Variants in PCCB observed in about 807,000 individuals in gnomAD.
PCCB encodes propionyl-CoA carboxylase beta chain, mitochondrial.
In PCCB, 43 loss-of-function variants were observed where a neutral mutation model predicts 60.7. The ratio of observed to expected loss-of-function variants is 0.71; its 90% CI spans 0.55 to 0.91. The LOEUF (loss-of-function observed/expected upper bound fraction) is 0.91. PCCB is among the 40% of genes least tolerant of loss of function. PCCB has a pLI of 0.00. For synonymous variants in PCCB, 276 were observed against 255.9 expected, an observed-to-expected ratio of 1.08 and a Z score of -0.75; for missense variants, 766 against 702.8, an observed-to-expected ratio of 1.09 and a Z score of -1.02.
chr3:136,292,393 T>A (rs1178077240), intron 6 of PCCB, among the ~76,000 whole-genome samples: 1 of 152,214 alleles, frequency 6.6e-6, no homozygotes, highest in East Asian at 1.9e-4. Context: ...TATGATAGAC[T>A]AAGGACTAAT....
rs1212475120 is a variant in PCCB, at chr3:136,283,870, A to C, written c.577A>C (p.Ile193Leu). The C allele has an allele frequency of 2.5e-6, 4 of 1,613,694 alleles. No homozygotes were observed. The highest frequency in any genetic ancestry group is 1.7e-4 in the Middle Eastern group (1 of 6,040). ...TACGGCATCCGGAGTCATCCCTCAGATTTCTCTGATCATGGGCCCATGTGC... is the reference window on the plus strand; with the variant it reads ...TACGGCATCCGGAGTCATCCCTCAGCTTTCTCTGATCATGGGCCCATGTGC... ...NVTASGVIPQ[I>L]SLIMGPCAGG... The change falls in exon 6 of 15, where the codon ATT becomes CTT. Residue 193 changes from isoleucine to leucine, a missense_variant. By Grantham distance (5) the Ile-to-Leu change is conservative (BLOSUM62 2). Coordinates refer to ENST00000251654, the MANE Select transcript of PCCB (RefSeq NM_000532.5).
At chr3:136,314,964 G>A (rs1458527506) in intron 9 of PCCB, among the ~76,000 whole-genome samples, 2 of 152,136 alleles carry the variant, frequency 1.3e-5, no homozygotes, top group African/African-American at 4.8e-5. Flanking sequence ...CTCCTTCTGT[G>A]GTACTCCTGT....
intron 10 of PCCB, among the ~76,000 whole-genome samples, chr3:136,319,976 G>T (rs954577956): frequency 2.6e-5 from 4 of 152,206 alleles, no homozygotes. Context: ...TCATTGAACA[G>T]GTGTGGCGTG....
Position 136,308,234 on chromosome 3 carries a change from C to CTTTTTTT in PCCB, c.966+7134_966+7140dup, listed in dbSNP as rs71157373. Among the ~76,000 whole-genome samples, 29 of 130,346 alleles carry CTTTTTTT rather than the reference C, an allele frequency of 2.2e-4. 2 individuals are homozygous for CTTTTTTT. Among genetic ancestry groups the CTTTTTTT allele is most frequent in the African/African-American group, 8.1e-4 (28 of 34,594 alleles). 85.5% of individuals were successfully genotyped at this position (130,346 alleles called of 152,430 possible). A position where few individuals can be genotyped will look rare whatever the true frequency, so the allele number is the denominator to read the frequency against. On this transcript the variant is annotated intron_variant, in intron 9 of 14. Transcript: ENST00000251654. ...AGGTATTAACCATAATAAGGAAGGA[C>CTTTTTTT]TTTTTTTTTTTTTTTTTGATATGGA...
chr3:136,328,888 G>A, intron 14 of PCCB, 31 bp downstream of exon 14: 1 of 1,513,872 alleles, frequency 6.6e-7, no homozygotes, highest in Non-Finnish European at 9.2e-7. Context: ...GGGCAGCTTT[G>A]TTTGTTTGGT....
intron 8 of PCCB, among the ~76,000 whole-genome samples, chr3:136,300,485 A>G (rs1401418112): frequency 2.0e-5 from 3 of 152,220 alleles, no homozygotes; most frequent in African/African-American, 7.2e-5. Context: ...TGCAGGAGGA[A>G]GGAGAGAGTC....
chr3:136,253,894 C>T (rs1269371195), intron 1 of PCCB, among the ~76,000 whole-genome samples: 1 of 151,878 alleles, frequency 6.6e-6, no homozygotes, highest in East Asian at 1.9e-4. Context: ...GCAGTCCTCC[C>T]ACCTTGGCCT....
intron 5 of PCCB, among the ~76,000 whole-genome samples, chr3:136,269,520 C>G (rs1201116828): frequency 2.6e-5 from 4 of 152,012 alleles, no homozygotes; most frequent in Admixed American, 2.6e-4. Context: ...AATCTGGATG[C>G]CTTTTATTTC....
At chr3:136,291,991 GC>G (rs763568558) in intron 6 of PCCB, among the ~76,000 whole-genome samples, 25 of 152,150 alleles carry the variant, frequency 1.6e-4, no homozygotes, top group Non-Finnish European at 3.1e-4. Flanking sequence ...TCCTACATCA[GC>G]CCTGGCTCTG....
rs775364976 is a variant in PCCB at position 136,316,978 on chromosome 3, A to G, written c.1004A>G (p.Asn335Ser). 2.5e-5 allele frequency: 41 copies of G among 1,613,988 alleles called. No homozygotes were observed. The highest frequency in any genetic ancestry group is 1.3e-4 in the Admixed American group (8 of 60,002). ...DEREFFEIMP[N>S]YAKNIIVGFA... ...CGTGAATTTTTTGAGATCATGCCCAATTATGCCAAGAACATCATTGTTGGT... is the reference window on the plus strand; with the variant it reads ...CGTGAATTTTTTGAGATCATGCCCAGTTATGCCAAGAACATCATTGTTGGT... The change falls in exon 10 of 15, where the codon AAT becomes AGT. Residue 335 changes from asparagine to serine, a missense_variant. By Grantham distance (46) the Asn-to-Ser change is conservative (BLOSUM62 1). Coordinates refer to ENST00000251654, the MANE Select transcript of PCCB (RefSeq NM_000532.5).
At chr3:136,327,822 G>C (rs544673781) in intron 13 of PCCB, 90 bp downstream of exon 13, 1 of 1,055,804 alleles carries the variant, frequency 9.5e-7, no homozygotes, top group African/African-American at 1.5e-5. Flanking sequence ...GTTGGAGAGA[G>C]GCCAGGGCCC....
At chr3:136,328,915 T>G in intron 14 of PCCB, 58 bp downstream of exon 14, 1 of 1,353,334 alleles carries the variant, frequency 7.4e-7, no homozygotes, top group Non-Finnish European at 1.1e-6. Context: ...GCTCATTCTT[T>G]CTCTACAGAA....
At chr3:136,277,798 C>T (rs1033455739) in intron 5 of PCCB, among the ~76,000 whole-genome samples, 3 of 152,174 alleles carry the variant, frequency 2.0e-5, no homozygotes, top group Non-Finnish European at 4.4e-5. Flanking sequence ...AAGTTCCAGG[C>T]AGCCTAGGCT....
chr3:136,270,654 C>T (rs775770220), intron 5 of PCCB, among the ~76,000 whole-genome samples: 3 of 152,090 alleles, frequency 2.0e-5, no homozygotes, highest in African/African-American at 4.8e-5. Flanking sequence ...TACAGGCACA[C>T]GCCACTACAC....
intron 5 of PCCB, among the ~76,000 whole-genome samples, chr3:136,262,929 A>G (rs1047679371): frequency 1.3e-5 from 2 of 151,146 alleles, no homozygotes; most frequent in Non-Finnish European, 2.9e-5. Context: ...ATCTAGTTGA[A>G]TACATCTTTA....
In PCCB at chr3:136,329,994, C is replaced by T. The variant is rs1237286430; in HGVS notation, c.1588C>T (p.Pro530Ser). 1 of 1,614,102 alleles carries T rather than the reference C, an allele frequency of 6.2e-7. No individual in the cohort carries two copies. Among genetic ancestry groups the T allele is most frequent in the African/African-American group, 1.3e-5 (1 of 75,036 alleles). Residue 530 changes from proline to serine, a missense_variant, in exon 15 of 15, where the codon CCT becomes TCT. Transcript: ENST00000251654. ...DVLASKKVQR[P>S]WRKHANIPL ...CTTGGCCAGCAAGAAGGTACAACGT[C>T]CTTGGAGAAAACATGCAAATATTCC... is the stretch of plus-strand genomic sequence containing the variant.
chr3:136,306,469 G>A (rs1934453364), intron 9 of PCCB, among the ~76,000 whole-genome samples: 1 of 121,926 alleles, frequency 8.2e-6, no homozygotes, highest in African/African-American at 2.5e-5. Flanking sequence ...TTAAAGAAAA[G>A]TAGATAAATA....
chr3:136,327,792 T>C, intron 13 of PCCB, 60 bp downstream of exon 13: 2 of 1,327,290 alleles, frequency 1.5e-6, no homozygotes, highest in Non-Finnish European at 2.2e-6. Context: ...CAGCGAGAGC[T>C]CAAGGCATAG....
chr3:136,300,106 A>G (rs554374920), intron 8 of PCCB, among the ~76,000 whole-genome samples: 4 of 152,032 alleles, frequency 2.6e-5, no homozygotes, highest in African/African-American at 7.3e-5. Flanking sequence ...ATATACATAC[A>G]TGCATATCTA....
Sources: gnomAD v4.1 joint callset for allele counts (sites outside exome capture counted in the v4.1 genomes callset) on GRCh38, gnomAD v4.1.1 for gene constraint, MANE v1.5 for transcripts, NCBI Gene and HGNC (gene_info 2026-07-23, HGNC 2026-07-21) for gene names.